Variants in FAM107A observed in about 807,000 individuals in gnomAD.
FAM107A encodes the protein family with sequence similarity 107 member A.
A neutral mutation model predicts 13.7 loss-of-function variants in FAM107A; 19 were observed. That is an observed-to-expected ratio of 1.38 (90% CI 0.97 to 2.03). The LOEUF (loss-of-function observed/expected upper bound fraction) is 2.03, where lower values mean the gene tolerates loss of function less well. FAM107A is among the 30% of genes most tolerant of loss of function. The probability of loss-of-function intolerance (pLI) is 0.00; values close to 1 mark genes in which losing one functional copy is unlikely to be tolerated. For missense variants in FAM107A, 203 were observed against 184.4 expected, an observed-to-expected ratio of 1.10 and a Z score of -0.58; for synonymous variants, 82 against 74.5, an observed-to-expected ratio of 1.10 and a Z score of -0.52.
exon 1 of FAM107A, chr3:58,586,901 G>A (rs2065612236): frequency 6.5e-7 from 1 of 1,532,766 alleles, no homozygotes; most frequent in African/African-American, 1.4e-5. Flanking sequence ...TGGCATCGGA[G>A]GGCCCCCGGG....
At chr3:58,625,324 A>C (rs1053313152) in intron 1 of FAM107A, among the ~76,000 whole-genome samples, 29 of 151,894 alleles carry the variant, frequency 1.9e-4, no homozygotes, top group Non-Finnish European at 5.9e-5. Context: ...TTTTCAAAAG[A>C]CTCCATGCTG....
At chr3:58,619,246 C>T (rs1308147789) in intron 1 of FAM107A, among the ~76,000 whole-genome samples, 1 of 152,162 alleles carries the variant, frequency 6.6e-6, no homozygotes, top group East Asian at 1.9e-4. Context: ...AGTGATCCTC[C>T]CTCCTTGGCC....
intron 1 of FAM107A, among the ~76,000 whole-genome samples, chr3:58,595,713 C>G (rs759524207): frequency 6.6e-6 from 1 of 152,174 alleles, no homozygotes; most frequent in Non-Finnish European, 1.5e-5. Context: ...CACACACACA[C>G]ACACAAGAAA....
In FAM107A at chr3:58,564,346, T is replaced by A. The variant is rs1234268939; in HGVS notation, c.*2242A>T. Reference sequence around the variant, plus strand: ...CCTGTGTCTTTTATTGGAAAAGCTTTCCCAGAAGCCCAGGTAGACTTCCTC... The same window carrying A: ...CCTGTGTCTTTTATTGGAAAAGCTTACCCAGAAGCCCAGGTAGACTTCCTC... On this transcript the variant is annotated 3_prime_UTR_variant, in exon 4 of 4. Transcript: ENST00000360997. This position sits in a 1 kb window ranked among gnomAD's most constrained non-coding sequence, Gnocchi z 5.6. 1.3e-5 allele frequency: 2 copies of A among 151,936 alleles called. No individual in the cohort carries two copies. Among genetic ancestry groups the A allele is most frequent in the African/African-American group, 2.4e-5 (1 of 41,162 alleles). 9.4% of individuals were successfully genotyped at this position (151,936 alleles called of 1,614,324 possible).
chr3:58,572,891 C>T (rs553467471), intron 1 of FAM107A: 1 of 152,138 alleles, frequency 6.6e-6, no homozygotes, highest in African/African-American at 2.4e-5. Context: ...TTTGGTTTGA[C>T]CTTCTGTTGT....
At position 58,613,553 on chromosome 3, in the gene FAM107A, GCCTCTCT is replaced by G. The variant is rs1316404276; in HGVS notation, c.-70+13856_-70+13862del. ...TCTCAGTGCCCTGAGTGCCAGCAAG[GCCTCTCT>G]CCTCTGGCCTTTGTGTAAGCAGATC... is the stretch of plus-strand genomic sequence containing the variant. On this transcript the variant is annotated intron_variant, in intron 1 of 3. Transcript: ENST00000465970. This position sits in a 1 kb window ranked among gnomAD's most constrained non-coding sequence, Gnocchi z 4.6. Among the ~76,000 whole-genome samples, 4 of 152,146 alleles carry G rather than the reference GCCTCTCT, an allele frequency of 2.6e-5. No individual in the cohort carries two copies. The highest frequency in any genetic ancestry group is 2.6e-4 in the Admixed American group (4 of 15,276).
intron 1 of FAM107A, among the ~76,000 whole-genome samples, chr3:58,586,695 CACAA>C (rs1224387621): frequency 1.3e-5 from 2 of 152,160 alleles, no homozygotes; most frequent in Non-Finnish European, 2.9e-5. Context: ...GAGACCCTGT[CACAA>C]ACAAACAAAA....
At chr3:58,627,129 C>T in intron 1 of FAM107A, 4 of 837,688 alleles carry the variant, frequency 4.8e-6, no homozygotes, top group Non-Finnish European at 7.6e-6. Flanking sequence ...GGCTCATTCT[C>T]CCAGGCACAA....
intron 1 of FAM107A, among the ~76,000 whole-genome samples, chr3:58,621,281 A>G (rs923500302): frequency 1.3e-5 from 2 of 152,160 alleles, no homozygotes; most frequent in African/African-American, 4.8e-5. Flanking sequence ...CCTCCCATGC[A>G]CAGATGTCAC....
At chr3:58,580,223 T>C (rs1056450355), upstream of FAM107A, among the ~76,000 whole-genome samples, 1 of 151,356 alleles carries the variant, frequency 6.6e-6, no homozygotes, top group South Asian at 2.1e-4. Context: ...TAGGATCTCT[T>C]TTTTTTTTCA....
At chr3:58,588,606 C>T (rs1436300262), upstream of FAM107A, among the ~76,000 whole-genome samples, 1 of 152,226 alleles carries the variant, frequency 6.6e-6, no homozygotes, top group East Asian at 1.9e-4. Flanking sequence ...AGATATTTGG[C>T]ATTCACTGTA....
intron 1 of FAM107A, among the ~76,000 whole-genome samples, chr3:58,597,149 GCTATGAACAA>G (rs1211743251): frequency 1.3e-5 from 2 of 152,210 alleles, no homozygotes; most frequent in African/African-American, 2.4e-5. Flanking sequence ...TCCTAAAGCT[GCTATGAACAA>G]CTTTCCATGA....
At chr3:58,575,653 T>A (rs1443716692) in intron 1 of FAM107A, among the ~76,000 whole-genome samples, 1 of 152,208 alleles carries the variant, frequency 6.6e-6, no homozygotes. Flanking sequence ...GTCCCTTTTC[T>A]CTCTCTAGAT....
chr3:58,601,698 C>G (rs2065753414), intron 1 of FAM107A, among the ~76,000 whole-genome samples: 1 of 152,096 alleles, frequency 6.6e-6, no homozygotes, highest in African/African-American at 2.4e-5. Context: ...GGATATTTTC[C>G]ACTGTGCTGG....
intron 1 of FAM107A, among the ~76,000 whole-genome samples, chr3:58,621,236 G>A (rs532100092): frequency 2.0e-5 from 3 of 152,128 alleles, no homozygotes; most frequent in Non-Finnish European, 4.4e-5. Flanking sequence ...CCCAGCATAC[G>A]TGTTTGCGCC....
At chr3:58,596,201 A>G (rs1019492909) in intron 1 of FAM107A, among the ~76,000 whole-genome samples, 6 of 152,090 alleles carry the variant, frequency 3.9e-5, no homozygotes, top group Non-Finnish European at 8.8e-5. Flanking sequence ...GGTGGCCTCA[A>G]TGATCCTATC....
chr3:58,589,167 C>T, upstream of FAM107A: 2 of 1,361,504 alleles, frequency 1.5e-6, no homozygotes, highest in Non-Finnish European at 2.0e-6. Context: ...AAGGGATGGA[C>T]TCTGGCCGCA....
upstream of FAM107A, chr3:58,589,372 G>A: frequency 1.3e-6 from 1 of 750,686 alleles, no homozygotes; most frequent in Non-Finnish European, 2.2e-6. Context: ...GCCACTGAAG[G>A]GACTGGTCAG....
chr3:58,566,916 C>T, intron 3 of FAM107A: 1 of 607,012 alleles, frequency 1.6e-6, no homozygotes, highest in Non-Finnish European at 2.9e-6. Flanking sequence ...CTCAGCTTCC[C>T]CATCTCTAAA....
Sources: gnomAD v4.1 joint callset for allele counts (sites outside exome capture counted in the v4.1 genomes callset) on GRCh38, gnomAD v4.1.1 for gene constraint, Gnocchi (gnomAD v3.1) non-coding constraint, MANE v1.5 for transcripts, NCBI Gene and HGNC (gene_info 2026-07-23, HGNC 2026-07-21) for gene names.